Variants in POTEJ observed in about 807,000 individuals in gnomAD.
POTEJ encodes the protein POTE ankyrin domain family member J.
Under a neutral mutation model 69.0 loss-of-function variants are expected in POTEJ, and 11 were observed. The ratio of observed to expected loss-of-function variants is 0.16; its 90% CI spans 0.10 to 0.26. The LOEUF (loss-of-function observed/expected upper bound fraction) is 0.26. Among genes scored for constraint, POTEJ ranks in the 10% least tolerant of loss-of-function variants. The pLI is 1.00. For missense variants in POTEJ, 327 were observed against 1,045.5 expected, an observed-to-expected ratio of 0.31 and a Z score of 9.48; for synonymous variants, 117 against 381.1, an observed-to-expected ratio of 0.31 and a Z score of 8.07.
Position 130,611,746 on chromosome 2 carries a change from T to G in POTEJ, c.214T>G (p.Cys72Gly). ...GTGGTGCTGCCACTGCTTCCCCTGC[T>G]GCAGGGGGAGCGGCAAGAGCAACGT... ...GKWCCHCFPC[C>G]RGSGKSNVGA... The change falls in exon 1 of 15, where the codon TGC (cysteine) becomes GGC (glycine). Residue 72 changes from cysteine (C) to glycine (G), a missense_variant. Physicochemically the swap from Cys to Gly is radical, Grantham distance 159. Coordinates refer to ENST00000409602, the MANE Select transcript of POTEJ (RefSeq NM_001277083.2). The G allele has an allele frequency of 6.4e-7, 1 of 1,571,970 alleles. No individual in the cohort carries two copies. Among genetic ancestry groups the G allele is most frequent in the South Asian group, 1.1e-5 (1 of 90,550 alleles).
intron 6 of POTEJ, among the ~76,000 whole-genome samples, chr2:130,626,691 A>C (rs1209344847): frequency 6.6e-6 from 1 of 152,180 alleles, no homozygotes; most frequent in East Asian, 1.9e-4. Flanking sequence ...AGACAAAGGA[A>C]GTTTTTGCAG....
At chr2:130,636,799 A>G (rs1316329654) in intron 9 of POTEJ, among the ~76,000 whole-genome samples, 1 of 148,114 alleles carries the variant, frequency 6.8e-6, no homozygotes, top group African/African-American at 2.5e-5. Flanking sequence ...CACTTTAAAA[A>G]TGTTTGACGT....
intron 13 of POTEJ, among the ~76,000 whole-genome samples, chr2:130,654,679 A>T (rs1337574951): frequency 7.0e-6 from 1 of 143,568 alleles, no homozygotes; most frequent in Non-Finnish European, 1.5e-5. Flanking sequence ...AATGTAATTT[A>T]CTTGAATCAT....
intron 1 of POTEJ, among the ~76,000 whole-genome samples, 162 bp downstream of exon 1, chr2:130,612,104 A>G (rs1316954426): frequency 1.3e-5 from 2 of 152,020 alleles, no homozygotes; most frequent in South Asian, 2.1e-4. Flanking sequence ...CCCTTTATGA[A>G]CAGCAACACA....
At position 130,648,781 on chromosome 2, in the gene POTEJ, G is replaced by GTTTTTTTT. The variant is rs761289482; in HGVS notation, c.1667+2493_1667+2500dup. Among the ~76,000 whole-genome samples the GTTTTTTTT allele has an allele frequency of 1.7e-4, 14 of 81,854 alleles. 3 individuals carry two copies. Among genetic ancestry groups the GTTTTTTTT allele is most frequent in the African/African-American group, 7.2e-4 (13 of 18,098 alleles). 53.7% of individuals were successfully genotyped at this position (81,854 alleles called of 152,430 possible). On this transcript the variant is annotated intron_variant, in intron 13 of 14. Transcript: ENST00000409602. Reference sequence around the variant, plus strand: ...TCAGTCCTCAATCTTCTTTCTCATAGTTTTTTTTTTTTTTTTTTTTTTTTT... The same window carrying GTTTTTTTT: ...TCAGTCCTCAATCTTCTTTCTCATAGTTTTTTTTTTTTTTTTTTTTTTTTTTTTTTTTT...
chr2:130,644,607 A>G (rs1330539238), intron 11 of POTEJ, among the ~76,000 whole-genome samples: 2 of 151,934 alleles, frequency 1.3e-5, no homozygotes, highest in Non-Finnish European at 2.9e-5. Context: ...TAAAATTTAA[A>G]ATACTCTTAT....
At chr2:130,626,991 A>G (rs1165569669) in intron 6 of POTEJ, among the ~76,000 whole-genome samples, 2 of 152,150 alleles carry the variant, frequency 1.3e-5, no homozygotes, top group Non-Finnish European at 2.9e-5. Context: ...GAAGAGAGGT[A>G]TCGTCAATAT....
intron 10 of POTEJ, among the ~76,000 whole-genome samples, chr2:130,643,100 G>A (rs1484330774): frequency 2.0e-5 from 3 of 147,382 alleles, no homozygotes; most frequent in Non-Finnish European, 4.5e-5. Flanking sequence ...GACATGTGGA[G>A]GAATAATGTA....
At chr2:130,622,780 T>C (rs888971477) in intron 5 of POTEJ, 2 of 151,766 alleles carry the variant, frequency 1.3e-5, no homozygotes, top group African/African-American at 4.9e-5. Flanking sequence ...TAGTTGGACT[T>C]AACAGAGCCA....
chr2:130,613,269 TATATAC>T (rs1685286779), intron 1 of POTEJ, among the ~76,000 whole-genome samples: 1 of 61,460 alleles, frequency 1.6e-5, no homozygotes, highest in East Asian at 5.9e-4. Flanking sequence ...TATATACATA[TATATAC>T]ATATGTATAT....
intron 1 of POTEJ, among the ~76,000 whole-genome samples, chr2:130,614,374 G>GTC (rs1238001960): frequency 9.7e-5 from 14 of 144,362 alleles, no homozygotes; most frequent in African/African-American, 3.7e-4. Context: ...CGAAATAGAT[G>GTC]TGTTTTTCTT....
intron 7 of POTEJ, among the ~76,000 whole-genome samples, chr2:130,630,776 A>T (rs918251699): frequency 2.7e-5 from 4 of 146,004 alleles, no homozygotes; most frequent in Admixed American, 1.4e-4. Flanking sequence ...TATCCACTGT[A>T]ATTAGTACAC....
chr2:130,640,436 G>A (rs530610322), intron 10 of POTEJ, among the ~76,000 whole-genome samples: 173 of 149,434 alleles, frequency 1.2e-3, no homozygotes, highest in African/African-American at 4.0e-3. Flanking sequence ...AGAATGCTTT[G>A]GACTGCAAAT....
At chr2:130,624,616 C>T (rs1685636889) in intron 6 of POTEJ, among the ~76,000 whole-genome samples, 1 of 152,142 alleles carries the variant, frequency 6.6e-6, no homozygotes, top group Non-Finnish European at 1.5e-5. Flanking sequence ...TGCTGCTCAC[C>T]TCCTCCTGTG....
chr2:130,632,799 C>A (rs141170092), intron 9 of POTEJ, 143 bp downstream of exon 9: 6 of 1,268,072 alleles, frequency 4.7e-6, no homozygotes, highest in Non-Finnish European at 6.6e-6. Flanking sequence ...TGAAAATCAG[C>A]GAACAATGAG....
chr2:130,642,002 C>T (rs1355847973), intron 10 of POTEJ, among the ~76,000 whole-genome samples: 1 of 151,818 alleles, frequency 6.6e-6, no homozygotes, highest in Non-Finnish European at 1.5e-5. Flanking sequence ...TGAGTCACAG[C>T]TGCCAGAAAA....
intron 13 of POTEJ, among the ~76,000 whole-genome samples, chr2:130,651,200 TAGTA>T (rs1302813071): frequency 6.9e-6 from 1 of 143,938 alleles, no homozygotes; most frequent in Non-Finnish European, 1.5e-5. Context: ...TTGCTTCCGA[TAGTA>T]AGACTATACT....
At chr2:130,651,927 A>G (rs1364794659) in intron 13 of POTEJ, among the ~76,000 whole-genome samples, 1 of 142,064 alleles carries the variant, frequency 7.0e-6, no homozygotes, top group African/African-American at 2.8e-5. Context: ...AAAAATTGCT[A>G]TTTTGAATTA....
At chr2:130,656,517 G>C in intron 14 of POTEJ, 32 bp from the exon 15 acceptor site, 3 of 1,601,286 alleles carry the variant, frequency 1.9e-6, no homozygotes, top group South Asian at 1.1e-5. Flanking sequence ...AATCTATTGA[G>C]TGCTAACTAA....
Sources: allele counts gnomAD v4.1 joint callset (sites outside exome capture counted in the v4.1 genomes callset), GRCh38; gene constraint gnomAD v4.1.1; transcripts MANE v1.5; gene names NCBI Gene and HGNC (gene_info 2026-07-23, HGNC 2026-07-21).